The following AKT3 variants were observed in gnomAD, a reference collection of about 807,000 sequenced individuals.
AKT3 encodes the protein RAC-gamma serine/threonine-protein kinase.
Under a neutral mutation model 65.3 loss-of-function variants are expected in AKT3, and 15 were observed. The observed-to-expected ratio is 0.23, with a 90% CI of 0.15 to 0.35. The LOEUF is 0.35. Ranked by LOEUF, AKT3 falls within the 10% of genes least tolerant of loss-of-function variation. AKT3 has a pLI of 1.00. For missense variants in AKT3, 243 were observed against 576.5 expected (o/e 0.42, Z 5.92); for synonymous variants, 206 against 183.8 (o/e 1.12, Z -0.98).
At chr1:243,784,688 A>G (rs1291037242) in intron 2 of AKT3, among the ~76,000 whole-genome samples, 4 of 152,170 alleles carry the variant, frequency 2.6e-5, no homozygotes, top group Non-Finnish European at 5.9e-5. Flanking sequence ...CACGCTGGAC[A>G]CTGCTCTCTG....
intron 2 of AKT3, among the ~76,000 whole-genome samples, chr1:243,765,427 C>T (rs905818898): frequency 6.6e-6 from 1 of 152,134 alleles, no homozygotes; most frequent in African/African-American, 2.4e-5. Flanking sequence ...CCATCTCCAC[C>T]ACTTTATTTA....
intron 9 of AKT3, among the ~76,000 whole-genome samples, chr1:243,571,318 A>AAC (rs371518256): frequency 2.0e-5 from 3 of 152,088 alleles, no homozygotes; most frequent in South Asian, 2.1e-4. Context: ...TCCATCTGAA[A>AAC]ACACACACAC....
Position 243,505,157 on chromosome 1 carries a change from C to G in AKT3, c.*92G>C, listed in dbSNP as rs1018048352. 2.5e-6 allele frequency: 3 copies of G among 1,224,358 alleles called. No individual in the cohort carries two copies. In the African/African-American group the frequency reaches 4.5e-5, roughly 18 times the overall value. 75.8% of individuals were successfully genotyped at this position (1,224,358 alleles called of 1,614,324 possible). ...TGGTCTGGGATGTCGGAAGGTGCCCCTGCTATGTGTAAGAGCTAGGACTGG... is the reference window on the plus strand; with the variant it reads ...TGGTCTGGGATGTCGGAAGGTGCCCGTGCTATGTGTAAGAGCTAGGACTGG... On this transcript the variant is annotated 3_prime_UTR_variant, in exon 14 of 14. Transcript: ENST00000673466.
intron 12 of AKT3, among the ~76,000 whole-genome samples, chr1:243,519,019 T>C (rs1670542300): frequency 6.6e-6 from 1 of 152,202 alleles, no homozygotes; most frequent in South Asian, 2.1e-4. Context: ...ATGGGAAGTA[T>C]GCCCCAAATA....
At chr1:243,567,691 C>G (rs2148496244) in intron 9 of AKT3, among the ~76,000 whole-genome samples, 1 of 152,100 alleles carries the variant, frequency 6.6e-6, no homozygotes, top group East Asian at 1.9e-4. Flanking sequence ...TTTGTCTTCT[C>G]TCACCATCCT....
chr1:243,699,158 T>G (rs1308178034), intron 2 of AKT3, among the ~76,000 whole-genome samples: 1 of 152,130 alleles, frequency 6.6e-6, no homozygotes, highest in Non-Finnish European at 1.5e-5. Context: ...TAAGACGGAC[T>G]GCTAAAAGTC....
chr1:243,569,608 T>C (rs1674410248), intron 9 of AKT3, among the ~76,000 whole-genome samples: 1 of 152,224 alleles, frequency 6.6e-6, no homozygotes, highest in South Asian at 2.1e-4. Context: ...TTACTGAGTG[T>C]TAGAAAGTAC....
At chr1:243,625,599 C>T (rs1679101818) in intron 6 of AKT3, among the ~76,000 whole-genome samples, 1 of 152,052 alleles carries the variant, frequency 6.6e-6, no homozygotes, top group Admixed American at 6.6e-5. Context: ...ATATCTATGG[C>T]CTTTGACCAC....
downstream of AKT3, among the ~76,000 whole-genome samples, chr1:243,498,818 T>G (rs181161764): frequency 3.3e-5 from 5 of 152,328 alleles, no homozygotes; most frequent in South Asian, 8.3e-4. Context: ...ACTTCTCTTT[T>G]TGGAAGATGG....
At chr1:243,709,814 A>C (rs1299930288) in intron 2 of AKT3, among the ~76,000 whole-genome samples, 1 of 152,098 alleles carries the variant, frequency 6.6e-6, no homozygotes, top group East Asian at 1.9e-4. Flanking sequence ...GTTCTTCCTT[A>C]GAAGTATAAA....
chr1:243,667,880 CTCTT>C (rs943796400), intron 3 of AKT3, among the ~76,000 whole-genome samples: 3 of 152,126 alleles, frequency 2.0e-5, no homozygotes, highest in Non-Finnish European at 4.4e-5. Context: ...ATGCACTACA[CTCTT>C]TCTGCTTTAG....
At chr1:243,590,297 A>G (rs1159531771) in intron 8 of AKT3, among the ~76,000 whole-genome samples, 2 of 152,224 alleles carry the variant, frequency 1.3e-5, no homozygotes, top group Admixed American at 6.5e-5. Flanking sequence ...CACTAATTCA[A>G]TTGTGGCAAT....
chr1:243,798,967 T>A (rs1692216875), intron 2 of AKT3, among the ~76,000 whole-genome samples: 1 of 152,310 alleles, frequency 6.6e-6, no homozygotes, highest in African/African-American at 2.4e-5. Flanking sequence ...GAGTGGAAAG[T>A]GGGGTAGTGA....
chr1:243,554,535 A>T (rs539998553), intron 10 of AKT3, among the ~76,000 whole-genome samples: 1 of 152,360 alleles, frequency 6.6e-6, no homozygotes, highest in South Asian at 2.1e-4. Flanking sequence ...AAGAAATTCT[A>T]CTTCATATTT....
intron 4 of AKT3, among the ~76,000 whole-genome samples, chr1:243,652,458 C>G (rs1312265304): frequency 6.6e-6 from 1 of 151,838 alleles, no homozygotes; most frequent in Non-Finnish European, 1.5e-5. Flanking sequence ...GCACTAAACA[C>G]GCAAAGGAAC....
At chr1:243,604,791 T>C (rs944580862) in intron 8 of AKT3, among the ~76,000 whole-genome samples, 8 of 152,218 alleles carry the variant, frequency 5.3e-5, no homozygotes, top group Admixed American at 2.6e-4. Context: ...AAAAATAGTA[T>C]GTTTTCCTTA....
At chr1:243,808,225 C>T (rs1692880157) in intron 2 of AKT3, 2 of 152,132 alleles carry the variant, frequency 1.3e-5, no homozygotes, top group Admixed American at 1.3e-4. Flanking sequence ...GACAATCAAA[C>T]TTCTCAGAGC....
At chr1:243,777,526 T>C (rs1690631145) in intron 2 of AKT3, among the ~76,000 whole-genome samples, 1 of 152,188 alleles carries the variant, frequency 6.6e-6, no homozygotes, top group Non-Finnish European at 1.5e-5. Flanking sequence ...AAGGAATTTA[T>C]CAGGGATCAC....
Position 243,499,821 on chromosome 1 carries a change from A to C in AKT3, c.*5428T>G. 1 of 1,600,254 alleles carries C rather than the reference A, an allele frequency of 6.2e-7. No individual in the cohort carries two copies. Among genetic ancestry groups the C allele is most frequent in the Non-Finnish European group, 8.6e-7 (1 of 1,168,440 alleles). ...ACAGAGTGAAATAAATGATTTACAA[A>C]GAGATATTTACATTCATCTGGTTTA... On this transcript the variant is annotated 3_prime_UTR_variant, in exon 14 of 14. Coordinates refer to ENST00000673466, the MANE Select transcript of AKT3 (RefSeq NM_005465.7).
Sources: allele counts gnomAD v4.1 joint callset (sites outside exome capture counted in the v4.1 genomes callset), GRCh38; gene constraint gnomAD v4.1.1; transcripts MANE v1.5; gene names NCBI Gene and HGNC (gene_info 2026-07-23, HGNC 2026-07-21).